The following XYLB variants were observed in gnomAD, a reference collection of about 807,000 sequenced individuals.
XYLB encodes xylulose kinase.
A neutral mutation model predicts 78.7 loss-of-function variants in XYLB; 62 were observed. That is an observed-to-expected ratio of 0.79 (90% CI 0.64 to 0.97). The LOEUF is 0.97. Among genes scored for constraint, XYLB ranks in the 50% least tolerant of loss-of-function variants. XYLB has a pLI of 0.00. For missense variants in XYLB, 687 were observed against 676.8 expected (o/e 1.02, Z -0.17); for synonymous variants, 245 against 247.4 (o/e 0.99, Z 0.09).
chr3:38,390,695 G>A (rs1365375818), intron 15 of XYLB, among the ~76,000 whole-genome samples: 2 of 152,000 alleles, frequency 1.3e-5, no homozygotes, highest in African/African-American at 2.4e-5. Flanking sequence ...GCTAATTTTT[G>A]TATTTTTTGT....
At chr3:38,394,563 A>C (rs992682944) in intron 15 of XYLB, among the ~76,000 whole-genome samples, 1 of 152,308 alleles carries the variant, frequency 6.6e-6, no homozygotes, top group African/African-American at 2.4e-5. Context: ...ACTGTGTTAA[A>C]CAGTGGACTG....
At chr3:38,448,516 A>G in the XYLB span, among the ~76,000 whole-genome samples, 1 of 152,202 alleles carries the variant, frequency 6.6e-6, no homozygotes, top group Non-Finnish European at 1.5e-5. Flanking sequence ...TCACTTCTGT[A>G]TCTGTTCCTA....
intron 8 of XYLB, 87 bp from the exon 9 acceptor site, chr3:38,369,969 G>T: frequency 3.5e-6 from 4 of 1,136,940 alleles, no homozygotes; most frequent in Admixed American, 1.7e-5. Context: ...TGTGGCAAGA[G>T]AATTATCTGC....
chr3:38,398,761 A>G (rs1332257340), intron 17 of XYLB, among the ~76,000 whole-genome samples: 2 of 146,174 alleles, frequency 1.4e-5, no homozygotes, highest in Non-Finnish European at 3.0e-5. Flanking sequence ...GCAGTAGCTC[A>G]CGCCTGTAAT....
downstream of XYLB, among the ~76,000 whole-genome samples, chr3:38,419,864 G>C (rs2125692525): frequency 6.6e-6 from 1 of 151,842 alleles, no homozygotes; most frequent in East Asian, 1.9e-4. Context: ...TCTGTCGCCA[G>C]GCTGGAATGC....
At chr3:38,369,136 T>A (rs1018813818) in intron 8 of XYLB, among the ~76,000 whole-genome samples, 1 of 152,050 alleles carries the variant, frequency 6.6e-6, no homozygotes, top group Non-Finnish European at 1.5e-5. Flanking sequence ...CTGAGCCTCG[T>A]GGGAATTCAT....
Position 38,368,220 on chromosome 3 carries a change from G to A in XYLB, c.609G>A (p.Leu203=), listed in dbSNP as rs776045062. ...TGGTCAGTAGCTTTGCTGCTTCCCT[G>A]TTCCTTGGCTCTTACTCCCCTATTG... is the stretch of plus-strand genomic sequence containing the variant. ...ISLVSSFAAS[L]FLGSYSPIDY... is the part of the protein sequence containing the mutation. The change falls in exon 8 of 19, where the codon CTG becomes CTA. Residue 203 remains leucine (L), a synonymous_variant. Coordinates refer to ENST00000207870, the MANE Select transcript of XYLB (RefSeq NM_005108.4). 6 of 1,614,128 alleles carry A rather than the reference G, an allele frequency of 3.7e-6. No homozygotes were observed. Among genetic ancestry groups the A allele is most frequent in the Non-Finnish European group, 5.1e-6 (6 of 1,180,016 alleles).
chr3:38,449,263 C>T, the XYLB span, among the ~76,000 whole-genome samples: 5 of 152,150 alleles, frequency 3.3e-5, no homozygotes, highest in Admixed American at 3.3e-4. Flanking sequence ...GCTGGGACTA[C>T]AGGTATGTGC....
At chr3:38,446,278 A>C in the XYLB span, among the ~76,000 whole-genome samples, 1 of 152,126 alleles carries the variant, frequency 6.6e-6, no homozygotes, top group Non-Finnish European at 1.5e-5. Flanking sequence ...TGATTGGTGC[A>C]TTTTTACAGA....
At chr3:38,439,248 C>T in the XYLB span, among the ~76,000 whole-genome samples, 2 of 152,288 alleles carry the variant, frequency 1.3e-5, no homozygotes, top group South Asian at 4.1e-4. Flanking sequence ...GCCAAAGGGT[C>T]AGTGGGTTGG....
intron 3 of XYLB, among the ~76,000 whole-genome samples, chr3:38,362,329 C>T (rs1706016745): frequency 6.6e-6 from 1 of 152,202 alleles, no homozygotes; most frequent in African/African-American, 2.4e-5. Flanking sequence ...GCCTCAATCT[C>T]CTGGGCTCAG....
chr3:38,402,807 C>G (rs7372452), intron 18 of XYLB, among the ~76,000 whole-genome samples: 79,668 of 151,782 alleles, frequency 0.52, 22,004 homozygotes, highest in East Asian at 0.62. Context: ...CTCTGGTCAT[C>G]TTCCCTGCAA....
At position 38,352,836 on chromosome 3, in the gene XYLB, A is replaced by G. The variant is rs578205779; in HGVS notation, c.140+4204A>G. Among the ~76,000 whole-genome samples the G allele has an allele frequency of 2.5e-3, 375 of 152,258 alleles. 1 individual carries two copies. The highest frequency in any genetic ancestry group is 8.8e-3 in the African/African-American group (366 of 41,560). ...AAGTAAAAAAAAAAACTAGAAGGATACACAACAAATTAAAGTCATCTGTAG... is the reference window on the plus strand; with the variant it reads ...AAGTAAAAAAAAAAACTAGAAGGATGCACAACAAATTAAAGTCATCTGTAG... On this transcript the variant is annotated intron_variant, in intron 2 of 18. Coordinates refer to ENST00000207870, the MANE Select transcript of XYLB (RefSeq NM_005108.4).
the XYLB span, among the ~76,000 whole-genome samples, chr3:38,444,281 C>T: frequency 6.6e-6 from 1 of 152,176 alleles, no homozygotes; most frequent in Non-Finnish European, 1.5e-5. Context: ...TCCCCTCCCC[C>T]TACAGTTTGA....
chr3:38,397,994 A>AT (rs1308192236), intron 17 of XYLB, among the ~76,000 whole-genome samples: 1 of 149,794 alleles, frequency 6.7e-6, no homozygotes, highest in Non-Finnish European at 1.5e-5. Context: ...AATTTTTTGT[A>AT]TTTTTAGTAG....
intron 15 of XYLB, among the ~76,000 whole-genome samples, chr3:38,384,801 G>A (rs992259886): frequency 7.2e-5 from 11 of 152,238 alleles, no homozygotes; most frequent in Non-Finnish European, 1.3e-4. Context: ...AATTTCATAT[G>A]GTTCGACCTG....
downstream of XYLB, among the ~76,000 whole-genome samples, chr3:38,426,311 A>C (rs1164223091): frequency 2.0e-5 from 3 of 152,258 alleles, no homozygotes; most frequent in African/African-American, 7.2e-5. Context: ...TATAGAATGC[A>C]GTTACAATGT....
the XYLB span, among the ~76,000 whole-genome samples, chr3:38,447,463 C>T: frequency 7.3e-6 from 1 of 137,324 alleles, no homozygotes; most frequent in Non-Finnish European, 1.6e-5. Context: ...ACCACCACAT[C>T]TGGCTAATTT....
intron 15 of XYLB, among the ~76,000 whole-genome samples, chr3:38,380,939 C>T (rs1707114317): frequency 6.6e-6 from 1 of 152,208 alleles, no homozygotes; most frequent in Non-Finnish European, 1.5e-5. Flanking sequence ...CATGGACATA[C>T]ATATGGCAGG....
Sources: allele counts gnomAD v4.1 joint callset (sites outside exome capture counted in the v4.1 genomes callset), GRCh38; gene constraint gnomAD v4.1.1; transcripts MANE v1.5; gene names NCBI Gene and HGNC (gene_info 2026-07-23, HGNC 2026-07-21).